NRXN3: variants seen among roughly 807,000 people sequenced by gnomAD.
NRXN3 encodes the protein neurexin 3.
Under a neutral mutation model 137.6 loss-of-function variants are expected in NRXN3, and 32 were observed. The ratio of observed to expected loss-of-function variants is 0.23; its 90% CI spans 0.18 to 0.31. NRXN3 has a LOEUF of 0.31. Among genes scored for constraint, NRXN3 ranks in the 10% least tolerant of loss-of-function variants. NRXN3 has a pLI of 1.00. For synonymous variants in NRXN3, 798 were observed against 784.5 expected, an observed-to-expected ratio of 1.02 and a Z score of -0.29; for missense variants, 1,574 against 2,062.5, an observed-to-expected ratio of 0.76 and a Z score of 4.59.
chr14:78,761,441 G>A (rs1386756693), intron 8 of NRXN3, among the ~76,000 whole-genome samples: 2 of 152,254 alleles, frequency 1.3e-5, no homozygotes, highest in Middle Eastern at 3.4e-3. Flanking sequence ...AGGTGACTCT[G>A]ATTTCCAGAG....
intron 4 of NRXN3, among the ~76,000 whole-genome samples, chr14:78,621,407 G>A (rs950627800): frequency 2.0e-5 from 3 of 152,082 alleles, no homozygotes; most frequent in South Asian, 2.1e-4. Flanking sequence ...CTATTCTATC[G>A]GATCAAATCA....
intron 4 of NRXN3, among the ~76,000 whole-genome samples, chr14:78,453,741 A>G (rs1402753135): frequency 6.6e-6 from 1 of 152,194 alleles, no homozygotes; most frequent in African/African-American, 2.4e-5. Context: ...TGTTCTCATA[A>G]AAAGGGGACA....
intron 16 of NRXN3, among the ~76,000 whole-genome samples, chr14:79,609,275 T>G (rs2098067738): frequency 6.6e-6 from 1 of 152,158 alleles, no homozygotes; most frequent in South Asian, 2.1e-4. Context: ...AGGGACTTAT[T>G]CCACCAAAAG....
intron 8 of NRXN3, among the ~76,000 whole-genome samples, chr14:78,734,743 G>A (rs1397471565): frequency 2.0e-5 from 3 of 152,184 alleles, no homozygotes; most frequent in Non-Finnish European, 2.9e-5. Context: ...TAGGCAGAAG[G>A]TTGTTACAAA....
intron 10 of NRXN3, among the ~76,000 whole-genome samples, chr14:78,860,794 T>C (rs2099070272): frequency 6.6e-6 from 1 of 151,882 alleles, no homozygotes; most frequent in South Asian, 2.1e-4. Flanking sequence ...GTTGAGCAGG[T>C]TGAGGAGGAG....
intron 16 of NRXN3, among the ~76,000 whole-genome samples, chr14:79,549,282 A>G (rs987933755): frequency 1.3e-5 from 2 of 152,090 alleles, no homozygotes; most frequent in African/African-American, 2.4e-5. Context: ...CTTTGATGTA[A>G]TGGGAAGGGA....
chr14:79,697,339 C>T (rs972828234), intron 18 of NRXN3, among the ~76,000 whole-genome samples: 1 of 151,812 alleles, frequency 6.6e-6, no homozygotes, highest in African/African-American at 2.4e-5. Flanking sequence ...AATTATATAC[C>T]CAAGAAGACC....
chr14:78,610,076 A>G lies in NRXN3; in HGVS notation c.758-35044A>G, dbSNP rs189729874. On this transcript the variant is annotated intron_variant, in intron 4 of 20. Coordinates refer to ENST00000335750, the MANE Select transcript of NRXN3 (RefSeq NM_001330195.2). ...AGAGGAGAGAGAGAAAGAAAGTGAC[A>G]AATTAGATTATGGAATGGAAAGTTA... Among the ~76,000 whole-genome samples, 4 of 152,164 alleles carry G rather than the reference A, an allele frequency of 2.6e-5. No individual in the cohort carries two copies. The East Asian group carries it at 7.7e-4, about 29-fold the overall frequency.
chr14:79,294,444 G>A (rs940842789), intron 15 of NRXN3, among the ~76,000 whole-genome samples: 8 of 152,190 alleles, frequency 5.3e-5, no homozygotes, highest in Non-Finnish European at 1.2e-4. Flanking sequence ...GCTTTACAGT[G>A]TTACAGAGAA....
chr14:79,237,092 T>A (rs2073509843), intron 15 of NRXN3, among the ~76,000 whole-genome samples: 1 of 152,030 alleles, frequency 6.6e-6, no homozygotes. Flanking sequence ...TTTTTTTTTT[T>A]ACTTGTAATG....
chr14:79,464,939 G>A (rs572038670), intron 15 of NRXN3, among the ~76,000 whole-genome samples: 3 of 152,272 alleles, frequency 2.0e-5, no homozygotes, highest in South Asian at 2.1e-4. Context: ...TGTATATGCT[G>A]CTATCAATTT....
At chr14:79,400,168 A>T (rs1335036290) in intron 15 of NRXN3, among the ~76,000 whole-genome samples, 3 of 152,144 alleles carry the variant, frequency 2.0e-5, no homozygotes, top group Non-Finnish European at 2.9e-5. Flanking sequence ...TTCCAGGGGG[A>T]CATTGTTCAA....
chr14:79,350,215 A>G (rs908354476), intron 15 of NRXN3, among the ~76,000 whole-genome samples: 2 of 152,242 alleles, frequency 1.3e-5, no homozygotes, highest in African/African-American at 2.4e-5. Flanking sequence ...ACATTCAAGT[A>G]TGCTCTGATT....
chr14:78,406,706 G>A (rs903630540), intron 4 of NRXN3, among the ~76,000 whole-genome samples: 2 of 152,122 alleles, frequency 1.3e-5, no homozygotes, highest in African/African-American at 4.8e-5. Flanking sequence ...AGATGTTTTG[G>A]CCAGCTATGT....
chr14:79,698,026 T>C, intron 19 of NRXN3, 89 bp downstream of exon 19: 3 of 1,194,532 alleles, frequency 2.5e-6, no homozygotes, highest in Non-Finnish European at 3.6e-6. Context: ...GCTAAAGAGT[T>C]TGAATTACTA....
chr14:79,184,187 A>G (rs1429991121), intron 15 of NRXN3, among the ~76,000 whole-genome samples: 2 of 152,226 alleles, frequency 1.3e-5, no homozygotes, highest in African/African-American at 2.4e-5. Context: ...TAATGAAACC[A>G]TTTTGGCAGG....
rs534070049 is a variant in NRXN3 at position 79,339,777 on chromosome 14, A to ATTTTGGGGGTGTTGTCATT, written c.3263-127440_3263-127422dup. On this transcript the variant is annotated intron_variant, in intron 15 of 20. Transcript: ENST00000335750. ...CCTACTGCCATTTTCTAGCCCTGTG[A>ATTTTGGGGGTGTTGTCATT]TTTTGGGGGTGTTGTCATTTTTCTT... Among the ~76,000 whole-genome samples, 8 of 152,228 alleles carry ATTTTGGGGGTGTTGTCATT rather than the reference A, an allele frequency of 5.3e-5. No individual in the cohort carries two copies. The South Asian group carries it at 8.3e-4, about 16-fold the overall frequency.
chr14:79,249,785 G>A (rs2075689550), intron 15 of NRXN3, among the ~76,000 whole-genome samples: 1 of 152,208 alleles, frequency 6.6e-6, no homozygotes, highest in Non-Finnish European at 1.5e-5. Flanking sequence ...CTAGTGGGCA[G>A]AGAAGGAAAG....
chr14:78,695,387 A>G (rs146551532), intron 6 of NRXN3: 2 of 152,038 alleles, frequency 1.3e-5, no homozygotes, highest in African/African-American at 4.8e-5. Context: ...CTTTTTGTAG[A>G]TTCAAAGTGC....
Sources: allele counts gnomAD v4.1 joint callset (sites outside exome capture counted in the v4.1 genomes callset), GRCh38; gene constraint gnomAD v4.1.1; transcripts MANE v1.5; gene names NCBI Gene and HGNC (gene_info 2026-07-23, HGNC 2026-07-21).